Variants in TLK1 observed in about 807,000 individuals in gnomAD.
TLK1 encodes tousled like kinase 1.
TLK1 carries 24 observed loss-of-function variants against 105.3 expected under a neutral mutation model. The ratio of observed to expected loss-of-function variants is 0.23; its 90% confidence interval spans 0.17 to 0.32. The LOEUF (loss-of-function observed/expected upper bound fraction) is 0.32, where lower values mean the gene tolerates loss of function less well. Ranked by LOEUF, TLK1 falls within the 10% of genes least tolerant of loss-of-function variation. The probability of loss-of-function intolerance (pLI) is 1.00; values close to 1 mark genes in which losing one functional copy is unlikely to be tolerated. For missense variants in TLK1, 558 were observed against 910.5 expected (o/e 0.61, Z 4.98); for synonymous variants, 321 against 310.4 (o/e 1.03, Z -0.36).
chr2:171,088,439 A>C (rs573360171), intron 2 of TLK1, among the ~76,000 whole-genome samples: 1 of 152,354 alleles, frequency 6.6e-6, no homozygotes, highest in East Asian at 1.9e-4. Flanking sequence ...AAAGTCCAAT[A>C]TCACTCAAAA....
chr2:171,167,392 A>T (rs1458909602), intron 1 of TLK1, among the ~76,000 whole-genome samples: 1 of 152,192 alleles, frequency 6.6e-6, no homozygotes, highest in Non-Finnish European at 1.5e-5. Flanking sequence ...AGAGCTCTTA[A>T]GATGCCTACC....
At chr2:171,181,597 C>T (rs574925293) in intron 1 of TLK1, among the ~76,000 whole-genome samples, 22 of 152,178 alleles carry the variant, frequency 1.4e-4, no homozygotes, top group African/African-American at 4.3e-4. Context: ...TGGTGGAAAG[C>T]GAAGGGGAAC....
intron 1 of TLK1, among the ~76,000 whole-genome samples, chr2:171,123,827 CA>C (rs1386285960): frequency 6.6e-6 from 1 of 151,888 alleles, no homozygotes; most frequent in East Asian, 1.9e-4. Context: ...AACAAACAAA[CA>C]AAAAAACACT....
intron 1 of TLK1, among the ~76,000 whole-genome samples, chr2:171,179,486 A>G (rs772299156): frequency 2.6e-5 from 4 of 152,192 alleles, no homozygotes; most frequent in African/African-American, 4.8e-5. Flanking sequence ...TAGGCTCTTT[A>G]TTGCTATGAG....
chr2:171,133,424 C>T (rs1691183393), intron 1 of TLK1, among the ~76,000 whole-genome samples: 1 of 152,114 alleles, frequency 6.6e-6, no homozygotes, highest in African/African-American at 2.4e-5. Context: ...TGGGGAAACC[C>T]TGTCTCTACT....
At chr2:171,086,844 G>A (rs1283490341) in intron 2 of TLK1, among the ~76,000 whole-genome samples, 1 of 152,056 alleles carries the variant, frequency 6.6e-6, no homozygotes, top group African/African-American at 2.4e-5. Context: ...AGTAAGGAGG[G>A]ATACGCTGGA....
upstream of TLK1, among the ~76,000 whole-genome samples, chr2:171,161,527 C>G (rs992171765): frequency 2.0e-5 from 3 of 151,976 alleles, no homozygotes; most frequent in Admixed American, 6.5e-5. Context: ...CTCGTGTTTT[C>G]TAAAAAAGAG....
At chr2:171,061,259 G>T in intron 3 of TLK1, 103 bp from the exon 4 acceptor site, 1 of 989,930 alleles carries the variant, frequency 1.0e-6, no homozygotes, top group Non-Finnish European at 1.5e-6. Flanking sequence ...ATAGCATTCA[G>T]TAGTGCTCAA....
intron 19 of TLK1, among the ~76,000 whole-genome samples, 195 bp from the exon 20 acceptor site, chr2:170,996,955 C>T (rs1684094317): frequency 6.6e-6 from 1 of 152,068 alleles, no homozygotes; most frequent in African/African-American, 2.4e-5. Context: ...GAAAGCCTAC[C>T]TAACAGATCT....
At chr2:171,069,165 A>C (rs1484846016) in intron 3 of TLK1, among the ~76,000 whole-genome samples, 1 of 152,206 alleles carries the variant, frequency 6.6e-6, no homozygotes, top group Non-Finnish European at 1.5e-5. Context: ...AAGACTTACC[A>C]GGGTAATTTA....
At chr2:171,128,966 A>ATGTG (rs10609101) in intron 1 of TLK1, among the ~76,000 whole-genome samples, 1 of 150,520 alleles carries the variant, frequency 6.6e-6, no homozygotes, top group Non-Finnish European at 1.5e-5. Flanking sequence ...GAGGAAGAGT[A>ATGTG]TGTGTGTGTG....
intron 2 of TLK1, among the ~76,000 whole-genome samples, chr2:171,100,380 G>C (rs1247736068): frequency 6.6e-6 from 1 of 152,140 alleles, no homozygotes; most frequent in Admixed American, 6.5e-5. Context: ...GCAGTAATGA[G>C]TGAGTTCTTA....
upstream of TLK1, among the ~76,000 whole-genome samples, chr2:171,162,065 A>T (rs561568772): frequency 2.6e-5 from 4 of 152,342 alleles, no homozygotes; most frequent in South Asian, 8.3e-4. Flanking sequence ...TTGTTCAGAT[A>T]AACTATCATA....
intron 1 of TLK1, among the ~76,000 whole-genome samples, chr2:171,184,318 T>C (rs1692982567): frequency 6.6e-6 from 1 of 152,192 alleles, no homozygotes. Context: ...TTTATATTGT[T>C]TAAGCCATCA....
chr2:171,124,261 C>G (rs139785300), intron 1 of TLK1, among the ~76,000 whole-genome samples: 2 of 152,154 alleles, frequency 1.3e-5, no homozygotes, highest in African/African-American at 2.4e-5. Context: ...ATATCAGTTG[C>G]CACTGAAATG....
rs143504497 is a variant in TLK1 at position 171,067,575 on chromosome 2, G to T, written c.331-6419C>A. On this transcript the variant is annotated intron_variant, in intron 3 of 20. Transcript: ENST00000431350. ...TCACCAATCCTTTGAGATGTGATGG[G>T]TAAAAAAGTGTTACTATTTTTCTCT... Among the ~76,000 whole-genome samples the T allele has an allele frequency of 2.8e-3, 432 of 152,128 alleles. 2 individuals carry two copies. The highest frequency in any genetic ancestry group is 8.9e-3 in the African/African-American group (369 of 41,492).
At chr2:171,222,966 C>A (rs947679483) in intron 1 of TLK1, among the ~76,000 whole-genome samples, 1 of 152,084 alleles carries the variant, frequency 6.6e-6, no homozygotes, top group Admixed American at 6.6e-5. Context: ...AGGCATGCAC[C>A]ACCACGCCCA....
chr2:171,125,639 T>C (rs890967140), intron 1 of TLK1, among the ~76,000 whole-genome samples: 2 of 152,224 alleles, frequency 1.3e-5, no homozygotes, highest in Non-Finnish European at 2.9e-5. Context: ...TCTGCCATTA[T>C]AAAGCAAAAG....
chr2:171,124,251 A>G (rs367663515), intron 1 of TLK1, among the ~76,000 whole-genome samples: 13 of 152,248 alleles, frequency 8.5e-5, no homozygotes, highest in Non-Finnish European at 1.6e-4. Flanking sequence ...TGGGATTTGA[A>G]TATCAGTTGC....
Sources: allele counts gnomAD v4.1 joint callset (sites outside exome capture counted in the v4.1 genomes callset), GRCh38; gene constraint gnomAD v4.1.1; transcripts MANE v1.5; gene names NCBI Gene and HGNC (gene_info 2026-07-23, HGNC 2026-07-21).